The following DCC variants were observed in gnomAD, a reference collection of about 807,000 sequenced individuals.
DCC encodes netrin receptor DCC.
A neutral mutation model predicts 172.5 loss-of-function variants in DCC; 58 were observed. That is an observed-to-expected ratio of 0.34 (90% CI 0.27 to 0.42). DCC has a LOEUF of 0.42. Ranked by LOEUF, DCC falls within the 10% of genes least tolerant of loss-of-function variation. The pLI, the probability that DCC is intolerant of heterozygous loss-of-function variation, is 1.00. For missense variants in DCC, 1,740 were observed against 1,791.0 expected (o/e 0.97, Z 0.51); for synonymous variants, 709 against 644.5 (o/e 1.10, Z -1.52).
intron 8 of DCC, among the ~76,000 whole-genome samples, chr18:53,169,414 G>T (rs927756113): frequency 1.3e-5 from 2 of 152,128 alleles, no homozygotes; most frequent in African/African-American, 4.8e-5. Flanking sequence ...ATCAGACTTC[G>T]TATATTTGAT....
chr18:53,060,069 T>C (rs2042471718), intron 5 of DCC, among the ~76,000 whole-genome samples: 1 of 149,516 alleles, frequency 6.7e-6, no homozygotes. Context: ...AGTGGCACAA[T>C]AGCGGCTCAC....
chr18:53,468,625 C>T (rs1246753539), intron 25 of DCC, among the ~76,000 whole-genome samples: 6 of 152,000 alleles, frequency 3.9e-5, no homozygotes, highest in Admixed American at 2.6e-4. Context: ...TCATGTGATC[C>T]GTCTTCTTCA....
At chr18:53,077,479 T>C (rs1014072242) in intron 7 of DCC, among the ~76,000 whole-genome samples, 42 of 152,278 alleles carry the variant, frequency 2.8e-4, no homozygotes, top group African/African-American at 9.4e-4. Flanking sequence ...CCTCCTGTTA[T>C]GTCCTCTGGT....
chr18:52,549,590 T>G (rs1188554303), intron 1 of DCC, among the ~76,000 whole-genome samples: 1 of 152,004 alleles, frequency 6.6e-6, no homozygotes, highest in African/African-American at 2.4e-5. Flanking sequence ...ACTACTAGAG[T>G]GAATAATAGA....
chr18:53,325,370 T>C (rs1047569932), intron 14 of DCC, among the ~76,000 whole-genome samples: 2 of 152,152 alleles, frequency 1.3e-5, no homozygotes, highest in Admixed American at 6.6e-5. Context: ...TAAGGGGTTA[T>C]ATCTCTTACT....
chr18:52,745,056 G>A (rs2145120642), intron 1 of DCC, among the ~76,000 whole-genome samples: 1 of 152,182 alleles, frequency 6.6e-6, no homozygotes, highest in Admixed American at 6.5e-5. Flanking sequence ...GGCCATTTGG[G>A]GCCCAAACAG....
intron 5 of DCC, among the ~76,000 whole-genome samples, chr18:52,973,927 C>T (rs1224482355): frequency 1.3e-5 from 2 of 152,002 alleles, no homozygotes; most frequent in Admixed American, 6.6e-5. Context: ...ATGTTTTCTC[C>T]TGTGCTTTGG....
chr18:53,485,412 G>C (rs1408963195), intron 25 of DCC, among the ~76,000 whole-genome samples: 2 of 151,954 alleles, frequency 1.3e-5, no homozygotes, highest in African/African-American at 4.8e-5. Flanking sequence ...TAGGAAAATT[G>C]AAATATCACT....
At chr18:53,233,758 T>C (rs765327476) in intron 12 of DCC, among the ~76,000 whole-genome samples, 1 of 152,166 alleles carries the variant, frequency 6.6e-6, no homozygotes, top group Non-Finnish European at 1.5e-5. Context: ...AGTTCAAGGC[T>C]CGAACCAAAA....
At chr18:52,499,382 G>A (rs964461354) in intron 1 of DCC, among the ~76,000 whole-genome samples, 6 of 152,108 alleles carry the variant, frequency 3.9e-5, no homozygotes, top group African/African-American at 1.4e-4. Context: ...TCTCTACGGA[G>A]GGATGAAAAT....
intron 2 of DCC, among the ~76,000 whole-genome samples, chr18:52,823,354 A>G (rs970253138): frequency 6.6e-6 from 1 of 152,202 alleles, no homozygotes; most frequent in Admixed American, 6.5e-5. Context: ...AAGTGAATGC[A>G]ATGGTCCTCA....
chr18:52,873,331 A>G (rs1215580553), intron 2 of DCC, among the ~76,000 whole-genome samples: 2 of 152,214 alleles, frequency 1.3e-5, no homozygotes, highest in Non-Finnish European at 2.9e-5. Context: ...AACCTCAGCC[A>G]TAGGCTCAGG....
intron 1 of DCC, among the ~76,000 whole-genome samples, chr18:52,608,328 T>C (rs950766178): frequency 4.6e-5 from 7 of 152,288 alleles, no homozygotes; most frequent in Admixed American, 2.0e-4. Context: ...CTTGAAATCT[T>C]TACATATAAA....
chr18:52,856,273 AG>A (rs1209214364), intron 2 of DCC, among the ~76,000 whole-genome samples: 2 of 152,136 alleles, frequency 1.3e-5, no homozygotes, highest in East Asian at 3.9e-4. Flanking sequence ...CTATTTATGA[AG>A]ATGTCTTTTT....
intron 1 of DCC, among the ~76,000 whole-genome samples, chr18:52,512,947 G>A (rs2031495118): frequency 6.6e-6 from 1 of 152,142 alleles, no homozygotes; most frequent in South Asian, 2.1e-4. Context: ...TGGCCTCAGG[G>A]TGGAGAGAAG....
chr18:53,088,313 C>T (rs1292962243), intron 7 of DCC, among the ~76,000 whole-genome samples: 1 of 152,144 alleles, frequency 6.6e-6, no homozygotes, highest in African/African-American at 2.4e-5. Flanking sequence ...TGAAGAGGTC[C>T]TTCACATCCC....
chr18:52,558,289 T>C (rs1401277095), intron 1 of DCC, among the ~76,000 whole-genome samples: 1 of 151,830 alleles, frequency 6.6e-6, no homozygotes, highest in Non-Finnish European at 1.5e-5. Context: ...ATACATTTAT[T>C]ACTTGGAAAA....
intron 7 of DCC, among the ~76,000 whole-genome samples, chr18:53,103,419 T>A (rs904911358): frequency 1.3e-5 from 2 of 152,100 alleles, no homozygotes; most frequent in Non-Finnish European, 2.9e-5. Flanking sequence ...AAGCCTATGC[T>A]GGAGTTCAGT....
At chr18:53,130,219 G>C (rs1281795080) in intron 7 of DCC, among the ~76,000 whole-genome samples, 2 of 152,064 alleles carry the variant, frequency 1.3e-5, no homozygotes, top group Non-Finnish European at 2.9e-5. Context: ...TACTAAATGA[G>C]GTTTCACTTT....
Sources: allele counts gnomAD v4.1 joint callset (sites outside exome capture counted in the v4.1 genomes callset), GRCh38; gene constraint gnomAD v4.1.1; transcripts MANE v1.5; gene names NCBI Gene and HGNC (gene_info 2026-07-23, HGNC 2026-07-21).